The following SUPT6H variants were observed in gnomAD, a reference collection of about 807,000 sequenced individuals.
SUPT6H encodes transcription elongation factor SPT6.
SUPT6H carries 11 observed loss-of-function variants against 222.3 expected under a neutral mutation model. That is an observed-to-expected ratio of 0.05 (90% confidence interval 0.03 to 0.08). SUPT6H has a LOEUF of 0.08. Ranked by LOEUF, SUPT6H falls within the 10% of genes least tolerant of loss-of-function variation. The pLI, the probability that SUPT6H is intolerant of heterozygous loss-of-function variation, is 1.00. For missense variants in SUPT6H, 1,422 were observed against 2,216.0 expected (o/e 0.64, Z 7.19); for synonymous variants, 762 against 801.2 (o/e 0.95, Z 0.83).
chr17:28,687,564 A>C, intron 23 of SUPT6H, 93 bp downstream of exon 23: 1 of 1,391,292 alleles, frequency 7.2e-7, no homozygotes, highest in Non-Finnish European at 9.7e-7. Context: ...GATTGGGAGG[A>C]CCAAGGTCAG....
At position 28,699,843 on chromosome 17, in the gene SUPT6H, T is replaced by G. The variant is rs201842118; in HGVS notation, c.4511T>G (p.Val1504Gly). Reference protein sequence around the residue: ...FRYRGQIFPTVNGLFRWFKDH... With the variant: ...FRYRGQIFPTGNGLFRWFKDH... ...TACCGGGGCCAGATCTTCCCAACCG[T>G]GAATGGACTGTTTAGATGGTTTAAG... is the stretch of plus-strand genomic sequence containing the variant. Residue 1504 changes from valine (V) to glycine (G), a missense_variant, in exon 33 of 37, where the codon GTG becomes GGG. Transcript: ENST00000314616. The G allele has an allele frequency of 6.2e-7, 1 of 1,614,168 alleles. No individual in the cohort carries two copies. Among genetic ancestry groups the G allele is most frequent in the Non-Finnish European group, 8.5e-7 (1 of 1,180,022 alleles).
In SUPT6H at chr17:28,676,265, T is replaced by C; in HGVS notation, c.732T>C (p.Asp244=). 1 of 1,613,856 alleles carries C rather than the reference T, an allele frequency of 6.2e-7. No individual in the cohort carries two copies. Among genetic ancestry groups the C allele is most frequent in the Non-Finnish European group, 8.5e-7 (1 of 1,179,958 alleles). Residue 244 remains aspartate (D), a synonymous_variant, in exon 7 of 37, where the codon GAT becomes GAC. Transcript: ENST00000314616. ...TGGAGGAAGAGTATGAGTATGAGGA[T>C]GATGAGGCTGAGGGTGAAATCCGAG... ...EELEEEYEYE[D]DEAEGEIRVR...
intron 1 of SUPT6H, among the ~76,000 whole-genome samples, chr17:28,663,828 A>ATTCTTTTTTTTTTTTTTTTTTT (rs2072113524): frequency 2.6e-5 from 1 of 38,374 alleles, no homozygotes; most frequent in Non-Finnish European, 4.7e-5. Flanking sequence ...TGCCCACTCC[A>ATTCTTTTTTTTTTTTTTTTTTT]TTTTTTTTTT....
rs761873779 is a variant in SUPT6H, at chr17:28,687,070, A to G, written c.2701-18A>G. ...CTAAGGGGATTTTAAGGCCCTGCTGACCCTCGTTTGACTCTAGGCAGAGTT... is the reference window on the plus strand; with the variant it reads ...CTAAGGGGATTTTAAGGCCCTGCTGGCCCTCGTTTGACTCTAGGCAGAGTT... On this transcript the variant is annotated intron_variant, in intron 21 of 36. Coordinates refer to ENST00000314616, the MANE Select transcript of SUPT6H (RefSeq NM_003170.5). 6.2e-7 allele frequency: 1 copy of G among 1,611,176 alleles called. No individual in the cohort carries two copies. Among genetic ancestry groups the G allele is most frequent in the Non-Finnish European group, 8.5e-7 (1 of 1,178,874 alleles).
chr17:28,689,311 G>A (rs1013193976), intron 24 of SUPT6H, 43 bp from the exon 25 acceptor site: 3 of 1,600,034 alleles, frequency 1.9e-6, no homozygotes, highest in Non-Finnish European at 2.6e-6. Context: ...GTTACTAGAA[G>A]CTTATCGTTC....
Position 28,687,107 on chromosome 17 carries a change from C to G in SUPT6H, c.2720C>G (p.Pro907Arg), listed in dbSNP as rs763837008. ...KKSEAEFRDY[P>R]PVLRQAVSLA... is the part of the protein sequence containing the mutation. ...CTCTAGGCAGAGTTCCGGGATTATCCTCCAGTGCTGAGACAGGCCGTCTCC... is the reference window on the plus strand; with the variant it reads ...CTCTAGGCAGAGTTCCGGGATTATCGTCCAGTGCTGAGACAGGCCGTCTCC... The change falls in exon 22 of 37, where the codon CCT (proline) becomes CGT (arginine). Residue 907 changes from proline (P) to arginine (R), a missense_variant. Around this residue, in one of 13 missense-constraint regions of SUPT6H, gnomAD observed 294 missense variants for 382.1 expected, o/e 0.77. Transcript: ENST00000314616. 1.2e-6 allele frequency: 2 copies of G among 1,613,658 alleles called. No individual in the cohort carries two copies. The highest frequency in any genetic ancestry group is 3.3e-5 in the Admixed American group (2 of 60,022).
At chr17:28,667,538 A>T (rs544148539) in intron 1 of SUPT6H, among the ~76,000 whole-genome samples, 88 of 146,730 alleles carry the variant, frequency 6.0e-4, no homozygotes, top group African/African-American at 1.5e-3. Flanking sequence ...TGTGTGTTTT[A>T]TATATATATA....
chr17:28,684,800 A>G (rs2031298683), intron 18 of SUPT6H, 44 bp from the exon 19 acceptor site: 1 of 1,613,536 alleles, frequency 6.2e-7, no homozygotes, highest in South Asian at 1.1e-5. Context: ...TCATAACTTC[A>G]TATTGCTGAT....
At chr17:28,685,114 T>TA (rs1175036515) in intron 19 of SUPT6H, among the ~76,000 whole-genome samples, 153 bp downstream of exon 19, 1 of 152,156 alleles carries the variant, frequency 6.6e-6, no homozygotes, top group African/African-American at 2.4e-5. Flanking sequence ...CTCACTTCCA[T>TA]GAGCAGTAGA....
chr17:28,694,507 C>T (rs774167419), intron 28 of SUPT6H, among the ~76,000 whole-genome samples: 1 of 152,198 alleles, frequency 6.6e-6, no homozygotes, highest in South Asian at 2.1e-4. Context: ...GCGAAATTCA[C>T]TGGTTCTGAG....
intron 7 of SUPT6H, among the ~76,000 whole-genome samples, chr17:28,677,082 T>C (rs2030793060): frequency 6.7e-6 from 1 of 149,230 alleles, no homozygotes. Flanking sequence ...TGTAAAAAAT[T>C]AGCTGGGCGG....
At position 28,688,050 on chromosome 17, in the gene SUPT6H, G is replaced by A; in HGVS notation, c.3007-41G>A. On this transcript the variant is annotated intron_variant, in intron 23 of 36. Transcript: ENST00000314616. The surrounding 1 kb of genome is among the most constrained non-coding windows in gnomAD (Gnocchi z 4.3). ...GACTGGAACAGTCTGGGGAGGTGGG[G>A]CCTGCTTACTGCCCTGGCTCAGTCC... 6.4e-7 allele frequency: 1 copy of A among 1,559,432 alleles called. No individual in the cohort carries two copies. Among genetic ancestry groups the A allele is most frequent in the South Asian group, 1.2e-5 (1 of 83,512 alleles).
At chr17:28,691,719 GGC>G (rs2031653431) in intron 27 of SUPT6H, 3 of 151,796 alleles carry the variant, frequency 2.0e-5, no homozygotes, top group Admixed American at 2.0e-4. Context: ...GCACGGTGGC[GGC>G]CACCTGTAGT....
At chr17:28,689,680 C>G (rs2031551518) in intron 25 of SUPT6H, 119 bp downstream of exon 25, 5 of 946,580 alleles carry the variant, frequency 5.3e-6, no homozygotes, top group Non-Finnish European at 6.4e-6. Context: ...CAGACTTGAT[C>G]CTCATCTCCC....
rs1597691644 is a variant in SUPT6H at position 28,674,305 on chromosome 17, C to T, written c.132C>T (p.Asn44=). Residue 44 remains asparagine (N), a synonymous_variant, in exon 3 of 37, where the codon AAC becomes AAT. Transcript: ENST00000314616. ...EDDDEEEEEE[N]LDDQDEQGNL... Reference sequence around the variant, plus strand: ...CAGATGAGGAGGAGGAGGAGGAGAACCTAGATGATCAGGATGAGCAAGGCA... The same window carrying T: ...CAGATGAGGAGGAGGAGGAGGAGAATCTAGATGATCAGGATGAGCAAGGCA... 1 of 1,613,918 alleles carries T rather than the reference C, an allele frequency of 6.2e-7. No homozygotes were observed. The highest frequency in any genetic ancestry group is 8.5e-7 in the Non-Finnish European group (1 of 1,179,950).
intron 20 of SUPT6H, 55 bp downstream of exon 20, chr17:28,686,470 A>G (rs2031385379): frequency 1.4e-5 from 22 of 1,590,342 alleles, no homozygotes; most frequent in Non-Finnish European, 1.9e-5. Context: ...CTCATCCCTT[A>G]TTATTGAGTC....
intron 1 of SUPT6H, among the ~76,000 whole-genome samples, chr17:28,664,878 T>G (rs1462772208): frequency 1.3e-5 from 2 of 152,186 alleles, no homozygotes; most frequent in Non-Finnish European, 2.9e-5. Context: ...TCTTCCCCAG[T>G]CTTTCAGTAA....
chr17:28,675,355 G>A, intron 5 of SUPT6H, 46 bp from the exon 6 acceptor site: 1 of 1,606,016 alleles, frequency 6.2e-7, no homozygotes. Flanking sequence ...TTTAGTCCTG[G>A]CTCAGCCCCT....
chr17:28,674,678 C>T (rs1426112298), intron 4 of SUPT6H, 65 bp downstream of exon 4: 13 of 1,501,832 alleles, frequency 8.7e-6, no homozygotes, highest in Non-Finnish European at 1.2e-5. Flanking sequence ...ATTTCAATGT[C>T]TGTGGGTGAG....
Sources: gnomAD v4.1 joint callset for allele counts (sites outside exome capture counted in the v4.1 genomes callset) on GRCh38, gnomAD v4.1.1 for gene constraint, gnomAD v4.1.1 regional missense constraint, Gnocchi (gnomAD v3.1) non-coding constraint, MANE v1.5 for transcripts, NCBI Gene and HGNC (gene_info 2026-07-23, HGNC 2026-07-21) for gene names.